The following ABI3 variants were observed in gnomAD, a reference collection of about 807,000 sequenced individuals.
ABI3 encodes the protein ABI family member 3.
Under a neutral mutation model 37.0 loss-of-function variants are expected in ABI3, and 24 were observed. The observed-to-expected ratio is 0.65, with a 90% confidence interval of 0.47 to 0.91. The LOEUF is 0.91. Among genes scored for constraint, ABI3 ranks in the 40% least tolerant of loss-of-function variants. ABI3 has a pLI of 0.00. For missense variants in ABI3, 481 were observed against 485.1 expected, an observed-to-expected ratio of 0.99 and a Z score of 0.08; for synonymous variants, 220 against 211.8, an observed-to-expected ratio of 1.04 and a Z score of -0.34.
intron 1 of ABI3, among the ~76,000 whole-genome samples, chr17:49,214,367 C>T (rs554902770): frequency 2.6e-5 from 4 of 152,142 alleles, no homozygotes; most frequent in South Asian, 2.1e-4. Context: ...ACCAAAAGAC[C>T]GGAGAAGTTT....
At chr17:49,218,907 A>G (rs893260664) in intron 3 of ABI3, among the ~76,000 whole-genome samples, 4 of 150,810 alleles carry the variant, frequency 2.7e-5, no homozygotes, top group African/African-American at 9.8e-5. Flanking sequence ...GTGAGCCACC[A>G]CTCGCGGCCC....
chr17:49,218,690 G>A (rs375728476), intron 3 of ABI3, among the ~76,000 whole-genome samples: 2 of 150,580 alleles, frequency 1.3e-5, no homozygotes, highest in Admixed American at 6.6e-5. Context: ...TGCAACTTCC[G>A]CCTCCCAGGT....
At chr17:49,214,925 C>T (rs2043205052) in intron 1 of ABI3, among the ~76,000 whole-genome samples, 3 of 152,088 alleles carry the variant, frequency 2.0e-5, no homozygotes, top group African/African-American at 4.8e-5. Flanking sequence ...GATTCCATGA[C>T]GGGATACAGG....
chr17:49,218,770 A>ATTTTTTTTTTTTTTTTTTT (rs71144583), intron 3 of ABI3, among the ~76,000 whole-genome samples: 1 of 131,786 alleles, frequency 7.6e-6, no homozygotes, highest in African/African-American at 3.0e-5. Context: ...TGCCCGGCTA[A>ATTTTTTTTTTTTTTTTTTT]TTTTTTTTTT....
intron 5 of ABI3, 27 bp from the exon 6 acceptor site, chr17:49,220,142 C>G: frequency 6.2e-7 from 1 of 1,611,254 alleles, no homozygotes; most frequent in Non-Finnish European, 8.5e-7. Flanking sequence ...GAAGGCGTGT[C>G]CGCCAACCGG....
At position 49,222,860 on chromosome 17, in the gene ABI3, G is replaced by A. The variant is rs1325024814; in HGVS notation, c.*145G>A. On this transcript the variant is annotated 3_prime_UTR_variant, in exon 8 of 8. Transcript: ENST00000225941. ...GTTCTGTCCTTCCTCCCATCGGAGG[G>A]AGAAGGGGTCCTGGGGAGAGAGAAT... 18 of 918,840 alleles carry A rather than the reference G, an allele frequency of 2.0e-5. No homozygotes were observed. The East Asian group carries it at 4.5e-4, about 23-fold the overall frequency. 56.9% of individuals were successfully genotyped at this position (918,840 alleles called of 1,614,324 possible).
chr17:49,220,054 C>T, intron 5 of ABI3, 101 bp downstream of exon 5: 3 of 1,553,152 alleles, frequency 1.9e-6, no homozygotes, highest in Non-Finnish European at 2.6e-6. Context: ...TTGAAAGGAC[C>T]CAGTTACTCC....
chr17:49,223,071 A>G lies in ABI3; in HGVS notation c.*356A>G. 1 of 417,578 alleles carries G rather than the reference A, an allele frequency of 2.4e-6. No homozygotes were observed. Among genetic ancestry groups the G allele is most frequent in the Non-Finnish European group, 4.2e-6 (1 of 236,892 alleles). The allele number at this position is 417,578 out of a possible 1,614,324, so 25.9% of individuals were successfully genotyped here. On this transcript the variant is annotated 3_prime_UTR_variant, in exon 8 of 8. Coordinates refer to ENST00000225941, the MANE Select transcript of ABI3 (RefSeq NM_016428.3). The stretch of plus-strand genomic sequence containing the variant: ...AGGGATTGAAAGGCATCCCAGTTCT[A>G]AGGCTGCTGCTAATTACAGCCCCCA...
intron 1 of ABI3, among the ~76,000 whole-genome samples, chr17:49,212,772 A>C (rs1384079849): frequency 6.6e-6 from 1 of 152,208 alleles, no homozygotes; most frequent in African/African-American, 2.4e-5. Context: ...CTATGCCACT[A>C]ACTGAAAATG....
In ABI3 at chr17:49,216,644, C is replaced by A; in HGVS notation, c.231C>A (p.Asp77Glu). Residue 77 changes from aspartate (D) to glutamate (E), a missense_variant, in exon 2 of 8, where the codon GAC (aspartate) becomes GAA (glutamate). Physicochemically the swap from Asp to Glu is conservative, Grantham distance 45. Transcript: ENST00000225941. ...CCGGGCACACTCTGCGCATGTTGGACCTGCAGGGGGCCGCCCTGCGGCAGG... is the reference window on the plus strand; with the variant it reads ...CCGGGCACACTCTGCGCATGTTGGAACTGCAGGGGGCCGCCCTGCGGCAGG... ...NLAGHTLRML[D>E]LQGAALRQVE... 2.5e-6 allele frequency: 4 copies of A among 1,610,790 alleles called. No homozygotes were observed. The highest frequency in any genetic ancestry group is 3.4e-6 in the Non-Finnish European group (4 of 1,178,746).
At chr17:49,220,411 C>A in intron 6 of ABI3, 85 bp downstream of exon 6, 2 of 1,473,772 alleles carry the variant, frequency 1.4e-6, no homozygotes, top group Non-Finnish European at 9.1e-7. Flanking sequence ...CTTGGATCTG[C>A]CCCGGCCAGC....
Position 49,219,238 on chromosome 17 carries a change from C to T in ABI3, c.463-302C>T, listed in dbSNP as rs2043253185. ...AGGGACCACCAAGCCAGGGCCCCAG[C>T]TTCCTGGGCTCTGAGATGGTCTGGG... On this transcript the variant is annotated intron_variant, in intron 3 of 7. Coordinates refer to ENST00000225941, the MANE Select transcript of ABI3 (RefSeq NM_016428.3). This position sits in a 1 kb window ranked among gnomAD's most constrained non-coding sequence, Gnocchi z 4.3. Among the ~76,000 whole-genome samples, 2 of 152,188 alleles carry T rather than the reference C, an allele frequency of 1.3e-5. No homozygotes were observed. The highest frequency in any genetic ancestry group is 4.1e-4 in the South Asian group (2 of 4,832).
chr17:49,212,525 A>G (rs966273721), intron 1 of ABI3, among the ~76,000 whole-genome samples: 2 of 152,256 alleles, frequency 1.3e-5, no homozygotes, highest in African/African-American at 4.8e-5. Flanking sequence ...GAAATGGCAG[A>G]TTAAAGACAG....
chr17:49,220,976 G>A (rs1041468151), intron 6 of ABI3, among the ~76,000 whole-genome samples: 5 of 150,918 alleles, frequency 3.3e-5, no homozygotes, highest in Non-Finnish European at 4.4e-5. Flanking sequence ...ATCACTTGAG[G>A]TCAGGAGTTT....
intron 1 of ABI3, among the ~76,000 whole-genome samples, chr17:49,215,630 T>A: frequency 6.6e-6 from 1 of 152,046 alleles, no homozygotes; most frequent in East Asian, 2.0e-4. Context: ...CCTGAGTAGC[T>A]GGGATTACAG....
rs202087269 is a variant in ABI3 at position 49,217,743 on chromosome 17, T to C, written c.290T>C (p.Val97Ala). 6.9e-6 allele frequency: 11 copies of C among 1,605,462 alleles called. No individual in the cohort carries two copies. Among genetic ancestry groups the C allele is most frequent in the Non-Finnish European group, 7.7e-6 (9 of 1,176,376 alleles). ...ACCTTGAACCCTGTCATGCAGATGG[T>C]GAACATGCATATGGAGAAGGTGGCC... ...EARVSTLGQMVNMHMEKVARR... is the reference protein window; with the variant it reads ...EARVSTLGQMANMHMEKVARR... The change falls in exon 3 of 8, where the codon GTG becomes GCG. Residue 97 changes from valine to alanine, a missense_variant. Transcript: ENST00000225941.
At position 49,219,983 on chromosome 17, in the gene ABI3, G is replaced by T; in HGVS notation, c.644+30G>T. 7.9e-7 allele frequency: 1 copy of T among 1,264,112 alleles called. No homozygotes were observed. Among genetic ancestry groups the T allele is most frequent in the Non-Finnish European group, 1.1e-6 (1 of 896,568 alleles). The allele number at this position is 1,264,112 out of a possible 1,614,324, so 78.3% of individuals were successfully genotyped here. A position where few individuals can be genotyped will look rare whatever the true frequency, so the allele number is the denominator to read the frequency against. ...GACCTACAAGCCCACGTGGGTGGGT[G>T]GGGGGTGGGAAGTGGCTTTTGAGAG... On this transcript the variant is annotated intron_variant, in intron 5 of 7. Transcript: ENST00000225941. The surrounding 1 kb of genome is among the most constrained non-coding windows in gnomAD (Gnocchi z 4.3).
intron 3 of ABI3, among the ~76,000 whole-genome samples, chr17:49,218,411 CCTT>C (rs1203486725): frequency 1.3e-5 from 2 of 152,182 alleles, no homozygotes; most frequent in African/African-American, 4.8e-5. Context: ...CAGCCTATGT[CCTT>C]CTGCGAGGTC....
rs2043158739 is a variant in ABI3 at position 49,210,868 on chromosome 17, AC to A, written c.117+31del. ...TAGGTAGAGCGGGCGGAAGCCTGAC[AC>A]CCCAGCCCCCGGAGGGGGGACCCTG... On this transcript the variant is annotated intron_variant, in intron 1 of 7. Transcript: ENST00000225941. This position sits in a 1 kb window ranked among gnomAD's most constrained non-coding sequence, Gnocchi z 4.2. 1 of 1,525,544 alleles carries A rather than the reference AC, an allele frequency of 6.6e-7. No homozygotes were observed. Among genetic ancestry groups the A allele is most frequent in the South Asian group, 1.2e-5 (1 of 83,116 alleles). 94.5% of individuals were successfully genotyped at this position (1,525,544 alleles called of 1,614,324 possible). A position where few individuals can be genotyped will look rare whatever the true frequency, so the allele number is the denominator to read the frequency against.
Sources: gnomAD v4.1 joint callset for allele counts (sites outside exome capture counted in the v4.1 genomes callset) on GRCh38, gnomAD v4.1.1 for gene constraint, Gnocchi (gnomAD v3.1) non-coding constraint, MANE v1.5 for transcripts, NCBI Gene and HGNC (gene_info 2026-07-23, HGNC 2026-07-21) for gene names.